Variants in CHD1 observed in about 807,000 individuals in gnomAD.
CHD1 encodes the protein ATP-dependent chromatin remodeler CHD1.
CHD1 carries 36 observed loss-of-function variants against 224.2 expected under a neutral mutation model. The ratio of observed to expected loss-of-function variants is 0.16; its 90% CI spans 0.12 to 0.21. The LOEUF (loss-of-function observed/expected upper bound fraction) is 0.21. Among genes scored for constraint, CHD1 ranks in the 10% least tolerant of loss-of-function variants. The pLI, the probability that CHD1 is intolerant of heterozygous loss-of-function variation, is 1.00. For missense variants in CHD1, 1,378 were observed against 1,994.8 expected, an observed-to-expected ratio of 0.69 and a Z score of 5.89; for synonymous variants, 668 against 658.3, an observed-to-expected ratio of 1.01 and a Z score of -0.23.
At chr5:98,869,690 T>A in intron 30 of CHD1, 64 bp downstream of exon 30, 1 of 1,537,028 alleles carries the variant, frequency 6.5e-7, no homozygotes, top group Non-Finnish European at 8.9e-7. Flanking sequence ...AAATGTAAAG[T>A]ACACAAAAAC....
intron 29 of CHD1, 47 bp downstream of exon 29, chr5:98,870,640 C>G: frequency 9.2e-7 from 1 of 1,084,808 alleles, no homozygotes; most frequent in East Asian, 2.5e-5. Context: ...ACAAAATTTA[C>G]CTTACTAAAA....
chr5:98,894,248 T>C (rs1203819490), intron 13 of CHD1, among the ~76,000 whole-genome samples: 2 of 152,244 alleles, frequency 1.3e-5, no homozygotes, highest in Non-Finnish European at 2.9e-5. Flanking sequence ...TTAATCCTGT[T>C]AGGTATCTTC....
At chr5:98,888,331 G>C in intron 16 of CHD1, 91 bp from the exon 17 acceptor site, 2 of 923,478 alleles carry the variant, frequency 2.2e-6, no homozygotes, top group Non-Finnish European at 3.1e-6. Context: ...ATTTTAAATT[G>C]AGATTTTAAA....
At chr5:98,916,274 G>C (rs1263534880) in intron 2 of CHD1, among the ~76,000 whole-genome samples, 2 of 152,046 alleles carry the variant, frequency 1.3e-5, no homozygotes, top group Non-Finnish European at 2.9e-5. Context: ...TGGCAGGTGT[G>C]GTGGCCCACA....
At chr5:98,888,285 G>A (rs1580434315) in intron 16 of CHD1, 45 bp from the exon 17 acceptor site, 1 of 1,414,094 alleles carries the variant, frequency 7.1e-7, no homozygotes, top group East Asian at 2.4e-5. Flanking sequence ...GACATAAATG[G>A]TAAGTTGTCC....
At chr5:98,924,149 G>A (rs1753291810) in intron 2 of CHD1, among the ~76,000 whole-genome samples, 1 of 152,174 alleles carries the variant, frequency 6.6e-6, no homozygotes, top group Non-Finnish European at 1.5e-5. Flanking sequence ...GGATGCTGAG[G>A]TGGGAGAATC....
intron 2 of CHD1, among the ~76,000 whole-genome samples, chr5:98,924,270 A>G (rs1467140000): frequency 3.9e-5 from 6 of 152,104 alleles, no homozygotes; most frequent in Non-Finnish European, 7.4e-5. Flanking sequence ...GAAAAGAAAA[A>G]AAAAATTGTG....
chr5:98,925,105 C>A (rs956101129), intron 2 of CHD1, among the ~76,000 whole-genome samples: 4 of 152,098 alleles, frequency 2.6e-5, no homozygotes, highest in Non-Finnish European at 4.4e-5. Flanking sequence ...TTGTCCACCC[C>A]CATGTCTCCA....
chr5:98,872,325 A>G, intron 27 of CHD1, 92 bp downstream of exon 27: 2 of 1,470,440 alleles, frequency 1.4e-6, no homozygotes, highest in South Asian at 1.3e-5. Flanking sequence ...TTTTTTTTCA[A>G]AACTAGCCAA....
intron 31 of CHD1, among the ~76,000 whole-genome samples, chr5:98,866,432 A>G (rs549931642): frequency 3.9e-5 from 6 of 152,214 alleles, no homozygotes; most frequent in Admixed American, 6.5e-5. Flanking sequence ...TAGTGGGTTC[A>G]TTAAATCAAC....
At chr5:98,901,433 T>A in intron 5 of CHD1, 98 bp from the exon 6 acceptor site, 1 of 893,226 alleles carries the variant, frequency 1.1e-6, no homozygotes, top group South Asian at 2.0e-5. Flanking sequence ...ATATTCGCTA[T>A]CAAAAATACT....
intron 2 of CHD1, among the ~76,000 whole-genome samples, chr5:98,911,146 A>AAAATATATATATATATATATATATAT (rs1491111295): frequency 7.7e-5 from 3 of 39,132 alleles, no homozygotes; most frequent in African/African-American, 3.6e-4. Flanking sequence ...AAAAAAAAAA[A>AAAATATATATATATATATATATATAT]ATATATATAT....
intron 31 of CHD1, among the ~76,000 whole-genome samples, chr5:98,866,198 G>A (rs536015890): frequency 1.3e-3 from 191 of 151,708 alleles, no homozygotes; most frequent in African/African-American, 4.1e-3. Context: ...CTGCAGAGGA[G>A]ATAAAAATAA....
intron 5 of CHD1, among the ~76,000 whole-genome samples, chr5:98,901,700 T>C (rs1751724857): frequency 1.3e-5 from 2 of 151,486 alleles, no homozygotes; most frequent in Admixed American, 6.6e-5. Flanking sequence ...AACACCTGTT[T>C]AAACTGATTT....
intron 2 of CHD1, among the ~76,000 whole-genome samples, chr5:98,921,136 G>A (rs1370493994): frequency 1.3e-5 from 2 of 152,204 alleles, no homozygotes; most frequent in African/African-American, 4.8e-5. Context: ...CATCACAGAA[G>A]TTTTGTGAGG....
chr5:98,868,421 A>C, intron 31 of CHD1, 74 bp downstream of exon 31: 1 of 1,329,544 alleles, frequency 7.5e-7, no homozygotes, highest in East Asian at 2.5e-5. Context: ...TTCTAAATTA[A>C]ATGCTATAAA....
intron 10 of CHD1, among the ~76,000 whole-genome samples, chr5:98,897,722 A>G (rs1419989320): frequency 6.6e-6 from 1 of 152,190 alleles, no homozygotes; most frequent in Non-Finnish European, 1.5e-5. Flanking sequence ...AATTCTTGTA[A>G]TAAGGAAAGA....
intron 2 of CHD1, among the ~76,000 whole-genome samples, chr5:98,919,509 T>A (rs1752954736): frequency 6.6e-6 from 1 of 152,228 alleles, no homozygotes; most frequent in Non-Finnish European, 1.5e-5. Context: ...CGTATTTTAG[T>A]TGCGAAATTA....
chr5:98,898,437 G>A lies in CHD1; in HGVS notation c.1187-3C>T. 1 of 1,553,426 alleles carries A rather than the reference G, an allele frequency of 6.4e-7. No homozygotes were observed. Among genetic ancestry groups the A allele is most frequent in the Non-Finnish European group, 8.6e-7 (1 of 1,158,580 alleles). ...TGCTGACTTTTGATTGGAATGAGCT[G>A]TGAGAGAATCAGGCATTTACTTATT... is the stretch of plus-strand genomic sequence containing the variant. On this transcript the variant is annotated splice_polypyrimidine_tract_variant and splice_region_variant and intron_variant, in intron 9 of 35. Coordinates refer to ENST00000614616, the MANE Select transcript of CHD1 (RefSeq NM_001270.4).
Sources: allele counts gnomAD v4.1 joint callset (sites outside exome capture counted in the v4.1 genomes callset), GRCh38; gene constraint gnomAD v4.1.1; transcripts MANE v1.5; gene names NCBI Gene and HGNC (gene_info 2026-07-23, HGNC 2026-07-21).